UVRAG: variants seen among roughly 807,000 people sequenced by gnomAD.
The protein encoded by UVRAG is UV radiation resistance associated.
Under a neutral mutation model 78.0 loss-of-function variants are expected in UVRAG, and 19 were observed. The ratio of observed to expected loss-of-function variants is 0.24; its 90% CI spans 0.17 to 0.36. UVRAG has a LOEUF of 0.36. Among genes scored for constraint, UVRAG ranks in the 10% least tolerant of loss-of-function variants. The pLI is 1.00. For missense variants in UVRAG, 740 were observed against 853.8 expected (o/e 0.87, Z 1.66); for synonymous variants, 323 against 324.6 (o/e 1.00, Z 0.05).
intron 13 of UVRAG, among the ~76,000 whole-genome samples, chr11:76,066,978 A>G (rs1381081532): frequency 6.6e-6 from 1 of 152,096 alleles, no homozygotes; most frequent in Non-Finnish European, 1.5e-5. Flanking sequence ...TATCCACATG[A>G]ACCTAACGAC....
intron 3 of UVRAG, among the ~76,000 whole-genome samples, chr11:75,864,060 CTTTT>C (rs748128698): frequency 7.1e-6 from 1 of 141,380 alleles, no homozygotes. Flanking sequence ...GTTCTATTAA[CTTTT>C]TTTTTTTTTT....
At chr11:76,113,948 T>C (rs1303200001) in intron 13 of UVRAG, among the ~76,000 whole-genome samples, 2 of 152,188 alleles carry the variant, frequency 1.3e-5, no homozygotes, top group Non-Finnish European at 2.9e-5. Context: ...AAATCAGACT[T>C]GGAGAGAAAT....
intron 12 of UVRAG, among the ~76,000 whole-genome samples, chr11:76,043,031 C>G (rs771161944): frequency 1.2e-4 from 19 of 152,174 alleles, no homozygotes; most frequent in Admixed American, 7.9e-4. Context: ...TTTTCTGTCA[C>G]TTGAGGTTAA....
intron 1 of UVRAG, among the ~76,000 whole-genome samples, chr11:75,846,703 T>C (rs138268004): frequency 1.2e-4 from 18 of 152,312 alleles, no homozygotes; most frequent in Non-Finnish European, 2.1e-4. Context: ...GTTGACTGTA[T>C]TTGTGTAAGT....
intron 8 of UVRAG, among the ~76,000 whole-genome samples, chr11:75,986,288 AT>A (rs1949500029): frequency 6.6e-6 from 1 of 152,054 alleles, no homozygotes; most frequent in African/African-American, 2.4e-5. Flanking sequence ...ATTTATTTCT[AT>A]TTTTTGTTGT....
At chr11:75,977,836 G>T (rs567677350) in intron 7 of UVRAG, among the ~76,000 whole-genome samples, 1 of 152,246 alleles carries the variant, frequency 6.6e-6, no homozygotes, top group African/African-American at 2.4e-5. Flanking sequence ...TTGCCAGTCT[G>T]TGTCTTTTAA....
intron 1 of UVRAG, 102 bp downstream of exon 1, chr11:75,815,626 A>T (rs1245588537): frequency 1.1e-5 from 7 of 638,110 alleles, no homozygotes; most frequent in Admixed American, 4.4e-5. Flanking sequence ...CACCCAGAGC[A>T]GGGACCCGGA....
At chr11:76,106,263 A>G (rs1363801715) in intron 13 of UVRAG, among the ~76,000 whole-genome samples, 1 of 152,176 alleles carries the variant, frequency 6.6e-6, no homozygotes. Flanking sequence ...CATTTCTACA[A>G]TGTTCTGGAA....
At chr11:75,884,240 T>TCTCTCTTTCTCTCTCTCTCTC (rs1555080662) in intron 4 of UVRAG, among the ~76,000 whole-genome samples, 168 of 132,484 alleles carry the variant, frequency 1.3e-3, no homozygotes, top group African/African-American at 4.6e-3. Flanking sequence ...CTCTCTCTCT[T>TCTCTCTTTCTCTCTCTCTCTC]TCTCTCTCTC....
chr11:75,980,374 T>C (rs1949365733), intron 7 of UVRAG, among the ~76,000 whole-genome samples: 1 of 152,166 alleles, frequency 6.6e-6, no homozygotes, highest in South Asian at 2.1e-4. Context: ...CTGTATTGCC[T>C]AGGCTAGTCT....
intron 3 of UVRAG, among the ~76,000 whole-genome samples, chr11:75,870,408 G>A (rs1219524785): frequency 1.3e-5 from 2 of 152,090 alleles, no homozygotes; most frequent in African/African-American, 4.8e-5. Flanking sequence ...ACCCCCAAGA[G>A]TATCTATCCC....
intron 12 of UVRAG, among the ~76,000 whole-genome samples, chr11:76,064,435 T>C (rs1479890080): frequency 6.6e-6 from 1 of 152,234 alleles, no homozygotes; most frequent in Non-Finnish European, 1.5e-5. Flanking sequence ...ATCCTGAATT[T>C]GCTATGCTGT....
chr11:76,096,081 A>G (rs1470465378), intron 13 of UVRAG, among the ~76,000 whole-genome samples: 2 of 152,190 alleles, frequency 1.3e-5, no homozygotes, highest in African/African-American at 4.8e-5. Context: ...TGTAGCTTGT[A>G]GCCTGAGGGC....
chr11:75,982,689 C>T (rs73493979), intron 7 of UVRAG, among the ~76,000 whole-genome samples: 14,805 of 152,126 alleles, frequency 0.097, 1,676 homozygotes, highest in African/African-American at 0.28. Flanking sequence ...GTTTGGCAAA[C>T]GTGGAAATCT....
rs538215680 is a variant in UVRAG, at chr11:75,856,404, A to G, written c.235+4404A>G. ...TTGAATACATCAGAAGATGAACTCTATATTACTTAATTTGGTGATCTTACC... is the reference window on the plus strand; with the variant it reads ...TTGAATACATCAGAAGATGAACTCTGTATTACTTAATTTGGTGATCTTACC... On this transcript the variant is annotated intron_variant, in intron 2 of 14. Transcript: ENST00000356136. 4.8e-4 allele frequency among the ~76,000 whole-genome samples: 73 copies of G among 152,180 alleles called. No individual in the cohort carries two copies. The Middle Eastern group carries it at 0.017, about 35-fold the overall frequency.
chr11:75,928,214 C>T (rs1047214711), intron 6 of UVRAG, among the ~76,000 whole-genome samples: 1 of 152,270 alleles, frequency 6.6e-6, no homozygotes, highest in East Asian at 1.9e-4. Context: ...AATAGCCATC[C>T]CACACTTACC....
At chr11:75,973,397 G>T (rs1565405991) in intron 7 of UVRAG, among the ~76,000 whole-genome samples, 1 of 152,106 alleles carries the variant, frequency 6.6e-6, no homozygotes, top group Non-Finnish European at 1.5e-5. Flanking sequence ...TAAATTACAT[G>T]TTGCCATGTT....
chr11:76,051,447 C>T (rs1950865550), intron 12 of UVRAG, among the ~76,000 whole-genome samples: 1 of 151,956 alleles, frequency 6.6e-6, no homozygotes, highest in African/African-American at 2.4e-5. Flanking sequence ...CTGAAATTTG[C>T]CTGTGGACTG....
intron 2 of UVRAG, among the ~76,000 whole-genome samples, chr11:75,860,937 C>T (rs1166900931): frequency 6.6e-6 from 1 of 152,024 alleles, no homozygotes; most frequent in Non-Finnish European, 1.5e-5. Context: ...AAGCATGTGC[C>T]ACCACACCTA....
Sources: allele counts gnomAD v4.1 joint callset (sites outside exome capture counted in the v4.1 genomes callset), GRCh38; gene constraint gnomAD v4.1.1; transcripts MANE v1.5; gene names NCBI Gene and HGNC (gene_info 2026-07-23, HGNC 2026-07-21).